FBXW7: variants seen among roughly 807,000 people sequenced by gnomAD.
FBXW7 encodes F-box and WD repeat domain containing 7.
FBXW7 carries 11 observed loss-of-function variants against 86.3 expected under a neutral mutation model. The observed-to-expected ratio is 0.13, with a 90% CI of 0.08 to 0.21. The LOEUF (loss-of-function observed/expected upper bound fraction) is 0.21, where lower values mean the gene tolerates loss of function less well. Ranked by LOEUF, FBXW7 falls within the 10% of genes least tolerant of loss-of-function variation. FBXW7 has a pLI of 1.00. For synonymous variants in FBXW7, 313 were observed against 297.9 expected, an observed-to-expected ratio of 1.05 and a Z score of -0.52; for missense variants, 488 against 847.4, an observed-to-expected ratio of 0.58 and a Z score of 5.27.
At chr4:152,434,868 A>T (rs1030452637) in intron 2 of FBXW7, among the ~76,000 whole-genome samples, 4 of 151,780 alleles carry the variant, frequency 2.6e-5, no homozygotes, top group Admixed American at 2.6e-4. Context: ...CAGAGTTTAG[A>T]TTTTATCCTA....
chr4:152,370,015 C>A (rs2126732302), intron 4 of FBXW7, among the ~76,000 whole-genome samples: 1 of 152,074 alleles, frequency 6.6e-6, no homozygotes, highest in South Asian at 2.1e-4. Context: ...AAACTTCTAA[C>A]AGTAACACAG....
intron 2 of FBXW7, among the ~76,000 whole-genome samples, chr4:152,439,680 C>A (rs1488144716): frequency 6.6e-6 from 1 of 151,946 alleles, no homozygotes; most frequent in South Asian, 2.1e-4. Context: ...CTGGCTAACC[C>A]AGTGAAACCC....
At chr4:152,476,351 A>G (rs1332247595) in intron 2 of FBXW7, among the ~76,000 whole-genome samples, 3 of 152,232 alleles carry the variant, frequency 2.0e-5, no homozygotes, top group Non-Finnish European at 2.9e-5. Context: ...TCACAGATCT[A>G]AATGTAAGAC....
At chr4:152,355,447 C>T (rs1732278382) in intron 4 of FBXW7, among the ~76,000 whole-genome samples, 1 of 151,966 alleles carries the variant, frequency 6.6e-6, no homozygotes, top group Non-Finnish European at 1.5e-5. Context: ...AGAAGGTCAA[C>T]CAAATAGCTA....
intron 2 of FBXW7, among the ~76,000 whole-genome samples, chr4:152,467,348 C>T (rs2149644418): frequency 6.6e-6 from 1 of 152,300 alleles, no homozygotes; most frequent in South Asian, 2.1e-4. Context: ...TCTGCCACAA[C>T]TGTAAGATTC....
chr4:152,403,040 G>A (rs1484086975), intron 4 of FBXW7, among the ~76,000 whole-genome samples: 1 of 152,166 alleles, frequency 6.6e-6, no homozygotes, highest in Non-Finnish European at 1.5e-5. Context: ...TTTGGGGTCT[G>A]TCTTAGGAGA....
intron 4 of FBXW7, among the ~76,000 whole-genome samples, chr4:152,388,045 C>T (rs1257442818): frequency 1.3e-5 from 2 of 151,496 alleles, no homozygotes. Context: ...TTTTTTTAAG[C>T]TTTAGTATTC....
chr4:152,533,680 AAC>A (rs1318963483), intron 2 of FBXW7, among the ~76,000 whole-genome samples: 3 of 152,228 alleles, frequency 2.0e-5, no homozygotes, highest in Non-Finnish European at 2.9e-5. Flanking sequence ...TAATTCTTGA[AAC>A]ACAAACTCTG....
At chr4:152,438,786 G>C (rs968714090) in intron 2 of FBXW7, among the ~76,000 whole-genome samples, 1 of 152,210 alleles carries the variant, frequency 6.6e-6, no homozygotes, top group Admixed American at 6.5e-5. Flanking sequence ...CCACATGGGA[G>C]ATGTGCGTGG....
At chr4:152,357,773 G>A (rs1297003183) in intron 4 of FBXW7, among the ~76,000 whole-genome samples, 2 of 151,926 alleles carry the variant, frequency 1.3e-5, no homozygotes, top group African/African-American at 2.4e-5. Flanking sequence ...GTCATCTGAT[G>A]GACACATGCA....
intron 12 of FBXW7, chr4:152,325,559 G>A (rs1473673120): frequency 1.2e-5 from 2 of 160,104 alleles, no homozygotes; most frequent in African/African-American, 4.8e-5. Flanking sequence ...GGACAGTAGA[G>A]TGCTTTATGC....
chr4:152,382,210 G>A, intron 4 of FBXW7: 1 of 1,555,422 alleles, frequency 6.4e-7, no homozygotes, highest in Non-Finnish European at 8.7e-7. Flanking sequence ...AAAAAGGGAG[G>A]CCTTGGGCAA....
At chr4:152,534,732 GA>G (rs1423706313) in intron 2 of FBXW7, among the ~76,000 whole-genome samples, 2 of 152,160 alleles carry the variant, frequency 1.3e-5, no homozygotes, top group Non-Finnish European at 2.9e-5. Context: ...TCCTCCGACA[GA>G]AACCTGCATA....
At chr4:152,521,523 C>G (rs957459744) in intron 2 of FBXW7, among the ~76,000 whole-genome samples, 5 of 152,166 alleles carry the variant, frequency 3.3e-5, no homozygotes. Flanking sequence ...CCACAACATA[C>G]AGAAAATGAT....
At chr4:152,346,705 T>C in intron 6 of FBXW7, 1 of 490,128 alleles carries the variant, frequency 2.0e-6, no homozygotes, top group Non-Finnish European at 3.5e-6. Context: ...AGGCAACCAT[T>C]AATCTACTTT....
At chr4:152,324,507 A>T in intron 12 of FBXW7, 113 bp from the exon 13 acceptor site, 1 of 801,612 alleles carries the variant, frequency 1.2e-6, no homozygotes. Context: ...AATGCCAGGA[A>T]CAAAATGAGG....
chr4:152,522,038 G>A (rs1749068885), intron 2 of FBXW7, among the ~76,000 whole-genome samples: 4 of 151,870 alleles, frequency 2.6e-5, no homozygotes, highest in African/African-American at 9.7e-5. Context: ...CAGGAAAAGT[G>A]TACACAGAAA....
In FBXW7 at chr4:152,321,741, G is replaced by A. The variant is rs542963311; in HGVS notation, c.*1140C>T. The A allele has an allele frequency of 2.1e-5, 5 of 232,648 alleles. No homozygotes were observed. Among genetic ancestry groups the A allele is most frequent in the Non-Finnish European group, 4.3e-5 (5 of 117,546 alleles). 14.4% of individuals were successfully genotyped at this position (232,648 alleles called of 1,614,324 possible). A position where few individuals can be genotyped will look rare whatever the true frequency, so the allele number is the denominator to read the frequency against. On this transcript the variant is annotated 3_prime_UTR_variant, in exon 14 of 14. Transcript: ENST00000281708. ...TTTTAAAATATTTTGTCAGTTTTAC[G>A]ATGTACGTTCATCCATTCACCACAG...
At position 152,321,521 on chromosome 4, in the gene FBXW7, C is replaced by T. The variant is rs1728558310; in HGVS notation, c.*1360G>A. The T allele has an allele frequency of 4.3e-6, 1 of 232,946 alleles. No homozygotes were observed. Among genetic ancestry groups the T allele is most frequent in the East Asian group, 6.1e-5 (1 of 16,514 alleles). 14.4% of individuals were successfully genotyped at this position (232,946 alleles called of 1,614,324 possible). A position where few individuals can be genotyped will look rare whatever the true frequency, so the allele number is the denominator to read the frequency against. ...TCACAGTTCAGCTTGAGTTGTGGCT[C>T]TTGGAGAATGAGGCAAACCATTTGA... is the stretch of plus-strand genomic sequence containing the variant. On this transcript the variant is annotated 3_prime_UTR_variant, in exon 14 of 14. Coordinates refer to ENST00000281708, the MANE Select transcript of FBXW7 (RefSeq NM_001349798.2).
Sources: gnomAD v4.1 joint callset for allele counts (sites outside exome capture counted in the v4.1 genomes callset) on GRCh38, gnomAD v4.1.1 for gene constraint, MANE v1.5 for transcripts, NCBI Gene and HGNC (gene_info 2026-07-23, HGNC 2026-07-21) for gene names.